The following SPART variants were observed in gnomAD, a reference collection of about 807,000 sequenced individuals.
SPART encodes spastic paraplegia 20 (Troyer syndrome).
Under a neutral mutation model 58.7 loss-of-function variants are expected in SPART, and 35 were observed. That is an observed-to-expected ratio of 0.60 (90% confidence interval 0.46 to 0.79). The LOEUF (loss-of-function observed/expected upper bound fraction) is 0.79. Ranked by LOEUF, SPART falls within the 30% of genes least tolerant of loss-of-function variation. The probability of loss-of-function intolerance (pLI) is 0.00; values close to 1 mark genes in which losing one functional copy is unlikely to be tolerated. For synonymous variants in SPART, 284 were observed against 280.7 expected (o/e 1.01, Z -0.12); for missense variants, 730 against 786.1 (o/e 0.93, Z 0.85).
At chr13:36,365,929 T>C (rs1886035607) in intron 1 of SPART, 1 of 192,318 alleles carries the variant, frequency 5.2e-6, no homozygotes, top group Non-Finnish European at 1.2e-5. Flanking sequence ...AAAATGTCTT[T>C]ACACGTCCCA....
chr13:36,333,690 C>T (rs1291066927), intron 2 of SPART, among the ~76,000 whole-genome samples: 1 of 152,096 alleles, frequency 6.6e-6, no homozygotes, highest in African/African-American at 2.4e-5. Flanking sequence ...AACCACGGTA[C>T]AGTATTTCTG....
chr13:36,304,371 A>T lies in SPART; in HGVS notation c.1995T>A (p.Asp665Glu). 1 of 1,614,036 alleles carries T rather than the reference A, an allele frequency of 6.2e-7. No homozygotes were observed. Among genetic ancestry groups the T allele is most frequent in the African/African-American group, 1.3e-5 (1 of 75,028 alleles). ...AGTGATTCCCAGCACTTCATCATTT[A>T]TCTTTCTTCTTTGCCTCCTTTACTT... ...TKEVKEAKKK[D>E]K Residue 665 changes from aspartate (D) to glutamate (E), a missense_variant, in exon 9 of 9, where the codon GAT becomes GAA. Physicochemically the swap from Asp to Glu is conservative, Grantham distance 45. Transcript: ENST00000438666.
intron 5 of SPART, among the ~76,000 whole-genome samples, chr13:36,317,976 T>C (rs1881917331): frequency 6.6e-6 from 1 of 152,130 alleles, no homozygotes; most frequent in South Asian, 2.1e-4. Flanking sequence ...ATCAGTCCCT[T>C]CCTAGTCTGT....
Position 36,331,614 on chromosome 13 carries a change from A to G in SPART, c.811-18T>C. ...TCACAAACCTGAAAGGATTCATTAG[A>G]AGAAAAAAAATATACATATAAATAA... On this transcript the variant is annotated intron_variant, in intron 2 of 8. Coordinates refer to ENST00000438666, the MANE Select transcript of SPART (RefSeq NM_015087.5). The G allele has an allele frequency of 2.6e-6, 4 of 1,567,310 alleles. No homozygotes were observed. The highest frequency in any genetic ancestry group is 3.5e-6 in the Non-Finnish European group (4 of 1,140,844).
intron 1 of SPART, among the ~76,000 whole-genome samples, chr13:36,340,545 A>G (rs957380516): frequency 6.6e-6 from 1 of 152,126 alleles, no homozygotes; most frequent in South Asian, 2.1e-4. Context: ...GAAATTATAC[A>G]TTTAATTCAT....
At chr13:36,323,718 G>A (rs920129816) in intron 5 of SPART, among the ~76,000 whole-genome samples, 3 of 151,916 alleles carry the variant, frequency 2.0e-5, no homozygotes, top group Non-Finnish European at 4.4e-5. Flanking sequence ...AACATTTGAC[G>A]AACTACTCGT....
Position 36,312,487 on chromosome 13 carries a change from C to T in SPART, c.1484-10G>A. On this transcript the variant is annotated splice_polypyrimidine_tract_variant and intron_variant, in intron 6 of 8. Coordinates refer to ENST00000438666, the MANE Select transcript of SPART (RefSeq NM_015087.5). ...GTGCAAACTCCATCAACTAATATGA[C>T]CATAAAAAAAGAAAACTTAGGAAAA... 1 of 1,613,478 alleles carries T rather than the reference C, an allele frequency of 6.2e-7. No homozygotes were observed. The highest frequency in any genetic ancestry group is 8.5e-7 in the Non-Finnish European group (1 of 1,179,766).
chr13:36,337,834 G>A (rs1884168024), intron 1 of SPART, among the ~76,000 whole-genome samples: 2 of 152,168 alleles, frequency 1.3e-5, no homozygotes, highest in South Asian at 4.1e-4. Context: ...ACACTGAAAA[G>A]CTGTGAAGTG....
chr13:36,335,657 G>A lies in SPART; in HGVS notation c.174C>T (p.Ser58=), dbSNP rs777851856. 1.9e-6 allele frequency: 3 copies of A among 1,614,122 alleles called. No homozygotes were observed. The East Asian group carries it at 6.7e-5, about 36-fold the overall frequency. The change falls in exon 2 of 9, where the codon AGC becomes AGT. Residue 58 remains serine, a synonymous_variant. Transcript: ENST00000438666. The part of the protein sequence containing the change: ...QGIGHLLRGI[S]ISSKESEHTG... ...TGTGTTCAGACTCTTTTGATGAAAT[G>A]CTGATCCCTCTGAGCAGGTGTCCTA...
At chr13:36,306,387 A>G (rs1454364074) in intron 8 of SPART, among the ~76,000 whole-genome samples, 1 of 151,800 alleles carries the variant, frequency 6.6e-6, no homozygotes, top group Non-Finnish European at 1.5e-5. Flanking sequence ...GCACTGAAAA[A>G]CAGTGACCGT....
chr13:36,312,663 G>C (rs1881255666), intron 6 of SPART, 186 bp from the exon 7 acceptor site: 1 of 654,482 alleles, frequency 1.5e-6, no homozygotes. Flanking sequence ...GCCTTGACTT[G>C]TACTCCTGGG....
intron 1 of SPART, among the ~76,000 whole-genome samples, chr13:36,365,292 G>A (rs1307155770): frequency 6.6e-6 from 1 of 152,226 alleles, no homozygotes; most frequent in African/African-American, 2.4e-5. Context: ...TACCACATCT[G>A]TGGCCCCATT....
chr13:36,342,612 C>A (rs1884687331), intron 1 of SPART, among the ~76,000 whole-genome samples: 1 of 152,086 alleles, frequency 6.6e-6, no homozygotes, highest in Non-Finnish European at 1.5e-5. Context: ...AGCAGCACCA[C>A]CCCTCATCCC....
At chr13:36,334,918 T>C (rs1246935266) in intron 2 of SPART, 103 bp downstream of exon 2, 3 of 881,646 alleles carry the variant, frequency 3.4e-6, no homozygotes, top group Non-Finnish European at 5.5e-6. Context: ...GTAGAATTTG[T>C]CGTTATCTTT....
intron 4 of SPART, 139 bp from the exon 5 acceptor site, chr13:36,326,837 T>A: frequency 1.1e-6 from 1 of 905,778 alleles, no homozygotes; most frequent in Non-Finnish European, 1.7e-6. Flanking sequence ...TAGTTACCAG[T>A]ATGGTCTTAT....
At chr13:36,345,565 A>G (rs1885020601) in intron 1 of SPART, 2 of 152,188 alleles carry the variant, frequency 1.3e-5, no homozygotes, top group Non-Finnish European at 2.9e-5. Flanking sequence ...CTTCCTTACA[A>G]TTAGAAAGTG....
intron 8 of SPART, among the ~76,000 whole-genome samples, chr13:36,310,670 G>A (rs1056652163): frequency 1.3e-5 from 2 of 151,942 alleles, no homozygotes; most frequent in Non-Finnish European, 2.9e-5. Flanking sequence ...TGCTGACCAC[G>A]AGAAAATCCA....
In SPART at chr13:36,335,271, T is replaced by C. The variant is rs375284717; in HGVS notation, c.560A>G (p.Tyr187Cys). ...TGAAAACTCCCCAGAATCTGTTCCATAGGATACAGTGTAGTGACCTTCAGC... is the reference window on the plus strand; with the variant it reads ...TGAAAACTCCCCAGAATCTGTTCCACAGGATACAGTGTAGTGACCTTCAGC... ...QAAEGHYTVS[Y>C]GTDSGEFSSV... Residue 187 changes from tyrosine to cysteine, a missense_variant, in exon 2 of 9, where the codon TAT (tyrosine) becomes TGT (cysteine). Coordinates refer to ENST00000438666, the MANE Select transcript of SPART (RefSeq NM_015087.5). The C allele has an allele frequency of 1.3e-4, 203 of 1,614,092 alleles. No homozygotes were observed. The highest frequency in any genetic ancestry group is 4.9e-4 in the Middle Eastern group (3 of 6,062).
intron 1 of SPART, among the ~76,000 whole-genome samples, chr13:36,367,592 C>T (rs568642055): frequency 1.3e-4 from 20 of 151,912 alleles, no homozygotes; most frequent in East Asian, 7.7e-4. Context: ...TTAAACTCTC[C>T]GCTCTTAAAA....
Sources: allele counts gnomAD v4.1 joint callset (sites outside exome capture counted in the v4.1 genomes callset), GRCh38; gene constraint gnomAD v4.1.1; transcripts MANE v1.5; gene names NCBI Gene and HGNC (gene_info 2026-07-23, HGNC 2026-07-21).